THSD4: variants seen among roughly 807,000 people sequenced by gnomAD.
THSD4 encodes thrombospondin type 1 domain containing 4, also known as thrombospondin type-1 domain-containing protein 4.
A neutral mutation model predicts 119.0 loss-of-function variants in THSD4; 69 were observed. The ratio of observed to expected loss-of-function variants is 0.58; its 90% CI spans 0.48 to 0.71. The LOEUF (loss-of-function observed/expected upper bound fraction) is 0.71, where lower values mean the gene tolerates loss of function less well. Among genes scored for constraint, THSD4 ranks in the 30% least tolerant of loss-of-function variants. The pLI is 0.00. For missense variants in THSD4, 1,393 were observed against 1,391.1 expected (o/e 1.00, Z -0.02); for synonymous variants, 524 against 540.4 (o/e 0.97, Z 0.42).
intron 8 of THSD4, among the ~76,000 whole-genome samples, chr15:71,710,868 G>T (rs1300278047): frequency 6.6e-6 from 1 of 152,114 alleles, no homozygotes; most frequent in African/African-American, 2.4e-5. Flanking sequence ...ACAGGGGAAA[G>T]AAGTAGCATA....
At chr15:71,473,632 G>A (rs2047614961) in intron 7 of THSD4, among the ~76,000 whole-genome samples, 1 of 152,178 alleles carries the variant, frequency 6.6e-6, no homozygotes, top group Admixed American at 6.5e-5. Context: ...AGAGAAAAGA[G>A]TCAGGGAACA....
intron 6 of THSD4, among the ~76,000 whole-genome samples, chr15:71,264,263 C>G (rs1326374466): frequency 6.6e-6 from 1 of 152,230 alleles, no homozygotes; most frequent in Non-Finnish European, 1.5e-5. Context: ...CCGCAGCCCA[C>G]CCCTGTGCAT....
chr15:71,608,237 AATATATATAT>A (rs1555431559), intron 7 of THSD4, among the ~76,000 whole-genome samples: 4 of 111,570 alleles, frequency 3.6e-5, no homozygotes, highest in Non-Finnish European at 5.2e-5. Context: ...AAAAAAAAAA[AATATATATAT>A]ATACACACAC....
intron 6 of THSD4, among the ~76,000 whole-genome samples, chr15:71,378,875 C>T (rs1035032981): frequency 6.6e-5 from 10 of 152,138 alleles, no homozygotes; most frequent in Admixed American, 2.6e-4. Flanking sequence ...CCTGGAACTC[C>T]GGAGCTCAAA....
chr15:71,238,624 A>G (rs1207419781), intron 4 of THSD4, among the ~76,000 whole-genome samples: 1 of 152,234 alleles, frequency 6.6e-6, no homozygotes, highest in Non-Finnish European at 1.5e-5. Flanking sequence ...TACAGTATAT[A>G]TCAGCACTTA....
intron 7 of THSD4, among the ~76,000 whole-genome samples, chr15:71,609,041 C>T (rs1054228562): frequency 6.6e-6 from 1 of 152,166 alleles, no homozygotes. Context: ...ATCCCCTTGG[C>T]TTGCTCTTCT....
chr15:71,528,059 C>A (rs192199427), intron 7 of THSD4, among the ~76,000 whole-genome samples: 4 of 152,172 alleles, frequency 2.6e-5, no homozygotes, highest in African/African-American at 9.6e-5. Flanking sequence ...TAGGTATAAG[C>A]CTAAGAAAAT....
rs148739509 is a variant in THSD4 at position 71,372,665 on chromosome 15, C to T, written c.1016-39022C>T. 6.4e-3 allele frequency among the ~76,000 whole-genome samples: 980 copies of T among 152,308 alleles called. 12 individuals carry two copies. Among genetic ancestry groups the T allele is most frequent in the African/African-American group, 0.022 (934 of 41,566 alleles). On this transcript the variant is annotated intron_variant, in intron 6 of 17. Transcript: ENST00000261862. ...GCTTCGTCTCAGAGGGGTACCTGGC[C>T]GTGTAAGGTCAGTGTGCCCCTACCG...
At chr15:71,246,289 C>T (rs11858022) in intron 5 of THSD4, among the ~76,000 whole-genome samples, 14,093 of 151,986 alleles carry the variant, frequency 0.093, 716 homozygotes, top group East Asian at 0.18. Context: ...ACTGGCATAC[C>T]CCCCTTTAGA....
intron 6 of THSD4, chr15:71,342,889 TC>T (rs2140392425): frequency 6.6e-6 from 1 of 152,390 alleles, no homozygotes; most frequent in South Asian, 2.1e-4. Context: ...GTCTTTGAGT[TC>T]CGTTTGTGCT....
chr15:71,190,477 T>G (rs1039887269), intron 3 of THSD4, among the ~76,000 whole-genome samples: 1 of 152,180 alleles, frequency 6.6e-6, no homozygotes, highest in Non-Finnish European at 1.5e-5. Context: ...AAGGTACGGT[T>G]AGGGCTGACA....
intron 14 of THSD4, among the ~76,000 whole-genome samples, chr15:71,752,929 A>C (rs1328647632): frequency 6.6e-6 from 1 of 152,184 alleles, no homozygotes; most frequent in Non-Finnish European, 1.5e-5. Flanking sequence ...CTTTAGTCTG[A>C]ACTATGAAAT....
At chr15:71,620,152 C>A (rs73445740) in intron 7 of THSD4, among the ~76,000 whole-genome samples, 5,077 of 152,248 alleles carry the variant, frequency 0.033, 312 homozygotes, top group African/African-American at 0.12. Flanking sequence ...AGCTCAGCCA[C>A]TTTAGTACCT....
chr15:71,742,615 C>T (rs181289775), intron 11 of THSD4, among the ~76,000 whole-genome samples: 11 of 152,322 alleles, frequency 7.2e-5, no homozygotes, highest in African/African-American at 2.2e-4. Context: ...TGCCTGACCT[C>T]ACCACCTTGT....
In THSD4 at chr15:71,490,477, G is replaced by A. The variant is rs190824716; in HGVS notation, c.1152+78654G>A. Among the ~76,000 whole-genome samples the A allele has an allele frequency of 3.3e-3, 488 of 149,730 alleles. 1 individual carries two copies. Among genetic ancestry groups the A allele is most frequent in the African/African-American group, 0.012 (468 of 40,388 alleles). On this transcript the variant is annotated intron_variant, in intron 7 of 17. Transcript: ENST00000261862. ...CGGGAGGCTGAGGCAGGAGAATGGCGTGAACCCAGGAGGCAGAGCTTGCAG... is the reference window on the plus strand; with the variant it reads ...CGGGAGGCTGAGGCAGGAGAATGGCATGAACCCAGGAGGCAGAGCTTGCAG...
chr15:71,535,334 A>G (rs557252257), intron 7 of THSD4, among the ~76,000 whole-genome samples: 3 of 152,256 alleles, frequency 2.0e-5, no homozygotes, highest in South Asian at 2.1e-4. Context: ...TTGCCAAACT[A>G]TATTCTGTAG....
intron 8 of THSD4, among the ~76,000 whole-genome samples, chr15:71,724,287 A>ATATATATTTTTTTT: frequency 8.0e-5 from 3 of 37,286 alleles, no homozygotes; most frequent in Admixed American, 4.1e-4. Context: ...ATATATATAT[A>ATATATATTTTTTTT]TTTTTTTTTT....
At chr15:71,391,026 AT>A (rs66485449) in intron 6 of THSD4, among the ~76,000 whole-genome samples, 53,098 of 126,326 alleles carry the variant, frequency 0.42, 10,741 homozygotes, top group Middle Eastern at 0.49. Context: ...ATGCCGGCTA[AT>A]TTTTTTTTTT....
At chr15:71,451,382 G>C (rs1028146824) in intron 7 of THSD4, among the ~76,000 whole-genome samples, 1 of 152,174 alleles carries the variant, frequency 6.6e-6, no homozygotes, top group African/African-American at 2.4e-5. Flanking sequence ...TGTGATCCCA[G>C]TTAATCTTCC....
Sources: gnomAD v4.1 joint callset for allele counts (sites outside exome capture counted in the v4.1 genomes callset) on GRCh38, gnomAD v4.1.1 for gene constraint, MANE v1.5 for transcripts, NCBI Gene and HGNC (gene_info 2026-07-23, HGNC 2026-07-21) for gene names.